MGAT5: variants seen among roughly 807,000 people sequenced by gnomAD.
MGAT5 encodes the protein alpha-1,6-mannosylglycoprotein 6-beta-N-acetylglucosaminyltransferase.
A neutral mutation model predicts 94.3 loss-of-function variants in MGAT5; 30 were observed. That is an observed-to-expected ratio of 0.32 (90% confidence interval 0.24 to 0.43). The LOEUF (loss-of-function observed/expected upper bound fraction) is 0.43. MGAT5 is among the 20% of genes least tolerant of loss of function. The probability of loss-of-function intolerance (pLI) is 1.00; values close to 1 mark genes in which losing one functional copy is unlikely to be tolerated. For synonymous variants in MGAT5, 310 were observed against 322.9 expected (o/e 0.96, Z 0.43); for missense variants, 691 against 905.5 (o/e 0.76, Z 3.04).
At chr2:134,311,879 A>G (rs931219036) in intron 2 of MGAT5, among the ~76,000 whole-genome samples, 6 of 152,352 alleles carry the variant, frequency 3.9e-5, no homozygotes, top group African/African-American at 1.2e-4. Context: ...AGAAGATGCA[A>G]GTAGCCTTGT....
intron 2 of MGAT5, among the ~76,000 whole-genome samples, chr2:134,302,828 T>C (rs1686108738): frequency 6.6e-6 from 1 of 151,714 alleles, no homozygotes; most frequent in African/African-American, 2.4e-5. Flanking sequence ...TTTGTTCCCT[T>C]TTATGTAATG....
intron 9 of MGAT5, among the ~76,000 whole-genome samples, chr2:134,358,685 C>A (rs993730378): frequency 6.6e-6 from 1 of 152,098 alleles, no homozygotes; most frequent in African/African-American, 2.4e-5. Flanking sequence ...AAAAACAGAC[C>A]TCAGAGATTT....
chr2:134,127,506 C>A (rs183240761), intron 1 of MGAT5, among the ~76,000 whole-genome samples: 4 of 121,934 alleles, frequency 3.3e-5, no homozygotes, highest in Admixed American at 3.0e-4. Flanking sequence ...CCCCCCCCCC[C>A]AGGCTTGTTC....
At chr2:134,196,280 T>A (rs1679490610) in intron 1 of MGAT5, among the ~76,000 whole-genome samples, 2 of 152,168 alleles carry the variant, frequency 1.3e-5, no homozygotes, top group African/African-American at 4.8e-5. Context: ...ATTGTTGGTG[T>A]TTGAAAGTAT....
chr2:134,318,731 C>G lies in MGAT5; in HGVS notation c.565C>G (p.Leu189Val). The G allele has an allele frequency of 6.2e-7, 1 of 1,611,878 alleles. No homozygotes were observed. The highest frequency in any genetic ancestry group is 8.5e-7 in the Non-Finnish European group (1 of 1,178,210). The change falls in exon 4 of 16, where the codon CTC (leucine) becomes GTC (valine). Residue 189 changes from leucine (L) to valine (V), a missense_variant. Coordinates refer to ENST00000281923, the MANE Select transcript of MGAT5 (RefSeq NM_002410.5). ...DGSTCSFFIY[L>V]SEVENWCPHL... The stretch of plus-strand genomic sequence containing the variant: ...ATCCACCTGCTCTTTTTTTATTTAC[C>G]TCAGTGAGGTGAGTAGCTTTCTGTG...
At chr2:134,267,479 G>A (rs1243516277) in intron 1 of MGAT5, among the ~76,000 whole-genome samples, 1 of 152,186 alleles carries the variant, frequency 6.6e-6, no homozygotes, top group Non-Finnish European at 1.5e-5. Context: ...CGTGGTGATG[G>A]TGATCCCTCC....
At chr2:134,181,987 T>G (rs1248562358) in intron 1 of MGAT5, among the ~76,000 whole-genome samples, 1 of 152,232 alleles carries the variant, frequency 6.6e-6, no homozygotes, top group African/African-American at 2.4e-5. Context: ...TCCCTCATTG[T>G]GTGTGATCAC....
intron 4 of MGAT5, among the ~76,000 whole-genome samples, chr2:134,330,554 A>AGTGTGTGTGTGTGTGTGTGT (rs34688054): frequency 0.092 from 13,573 of 148,178 alleles, 725 homozygotes; most frequent in Middle Eastern, 0.22. Flanking sequence ...TAAATTGTGT[A>AGTGTGTGTGTGTGTGTGTGT]GTGTGTGTGT....
intron 1 of MGAT5, among the ~76,000 whole-genome samples, chr2:134,178,374 G>A (rs952621722): frequency 6.6e-6 from 1 of 152,194 alleles, no homozygotes; most frequent in Non-Finnish European, 1.5e-5. Context: ...CCAGGACTGT[G>A]GAGGCAGGGT....
intron 1 of MGAT5, among the ~76,000 whole-genome samples, chr2:134,152,231 C>T (rs534682102): frequency 7.1e-6 from 1 of 140,454 alleles, no homozygotes; most frequent in South Asian, 2.3e-4. Flanking sequence ...CTATGGGACC[C>T]GCTTACCACC....
At chr2:134,305,515 G>T (rs1370329204) in intron 2 of MGAT5, among the ~76,000 whole-genome samples, 1 of 152,086 alleles carries the variant, frequency 6.6e-6, no homozygotes, top group Non-Finnish European at 1.5e-5. Flanking sequence ...TTCTTCTTCA[G>T]TTGCAAAAAG....
intron 1 of MGAT5, among the ~76,000 whole-genome samples, chr2:134,224,699 C>G (rs939820644): frequency 6.6e-6 from 1 of 152,104 alleles, no homozygotes; most frequent in African/African-American, 2.4e-5. Context: ...TCTGCCTGTA[C>G]CAATTCTTAC....
chr2:134,163,481 G>T (rs1687827351), intron 1 of MGAT5, among the ~76,000 whole-genome samples: 1 of 152,188 alleles, frequency 6.6e-6, no homozygotes, highest in Non-Finnish European at 1.5e-5. Flanking sequence ...AGTTAAGACA[G>T]GGACGCTTGT....
rs917865720 is a variant in MGAT5, at chr2:134,451,726, A to G, written c.*2879A>G. 1.3e-5 allele frequency: 2 copies of G among 152,210 alleles called. No individual in the cohort carries two copies. Among genetic ancestry groups the G allele is most frequent in the Non-Finnish European group, 2.9e-5 (2 of 68,036 alleles). 9.4% of individuals were successfully genotyped at this position (152,210 alleles called of 1,614,324 possible). A position where few individuals can be genotyped will look rare whatever the true frequency, so the allele number is the denominator to read the frequency against. ...GATTATTTTCCCCATTGTGATCCTA[A>G]GCTCTTAAAAAACTTGAGGGAAAAC... On this transcript the variant is annotated 3_prime_UTR_variant, in exon 16 of 16. Coordinates refer to ENST00000281923, the MANE Select transcript of MGAT5 (RefSeq NM_002410.5).
At chr2:134,430,052 T>A (rs1368426609) in intron 14 of MGAT5, among the ~76,000 whole-genome samples, 3 of 152,200 alleles carry the variant, frequency 2.0e-5, no homozygotes, top group Admixed American at 2.0e-4. Context: ...TCCCGTCTTC[T>A]TGCATCATCA....
intron 1 of MGAT5, among the ~76,000 whole-genome samples, chr2:134,140,611 T>G (rs1176911635): frequency 2.0e-5 from 3 of 152,256 alleles, no homozygotes; most frequent in Non-Finnish European, 4.4e-5. Context: ...GCACAAAGGT[T>G]AATATAACAC....
chr2:134,336,503 T>C (rs1458471928), intron 5 of MGAT5, among the ~76,000 whole-genome samples: 8 of 152,142 alleles, frequency 5.3e-5, no homozygotes, highest in Admixed American at 2.6e-4. Context: ...TCCTGAATGA[T>C]AGGCTACTGA....
chr2:134,179,218 C>T (rs1688618186), intron 1 of MGAT5, among the ~76,000 whole-genome samples: 1 of 147,836 alleles, frequency 6.8e-6, no homozygotes. Flanking sequence ...AAAATGGCCC[C>T]CAAGCATAGT....
intron 1 of MGAT5, among the ~76,000 whole-genome samples, chr2:134,208,059 C>T (rs1234154883): frequency 6.6e-6 from 1 of 152,148 alleles, no homozygotes; most frequent in Admixed American, 6.5e-5. Context: ...GTAGTGAGGC[C>T]TGCCTAGGGA....
Sources: gnomAD v4.1 joint callset for allele counts (sites outside exome capture counted in the v4.1 genomes callset) on GRCh38, gnomAD v4.1.1 for gene constraint, MANE v1.5 for transcripts, NCBI Gene and HGNC (gene_info 2026-07-23, HGNC 2026-07-21) for gene names.